The following ROBO1 variants were observed in gnomAD, a reference collection of about 807,000 sequenced individuals.
The protein encoded by ROBO1 is roundabout guidance receptor 1, also known as roundabout homolog 1.
Under a neutral mutation model 195.9 loss-of-function variants are expected in ROBO1, and 149 were observed. The ratio of observed to expected loss-of-function variants is 0.76; its 90% CI spans 0.67 to 0.87. The LOEUF is 0.87. ROBO1 is among the 40% of genes least tolerant of loss of function. The pLI, the probability that ROBO1 is intolerant of heterozygous loss-of-function variation, is 0.00. For missense variants in ROBO1, 1,933 were observed against 2,068.3 expected (o/e 0.93, Z 1.27); for synonymous variants, 816 against 733.2 (o/e 1.11, Z -1.82).
At chr3:78,624,808 T>C (rs375698947) in intron 26 of ROBO1, among the ~76,000 whole-genome samples, 1 of 151,638 alleles carries the variant, frequency 6.6e-6, no homozygotes, top group African/African-American at 2.4e-5. Context: ...AGAAGAGGGG[T>C]TGACTTTTGC....
At chr3:78,716,636 C>T (rs543816770) in intron 7 of ROBO1, among the ~76,000 whole-genome samples, 1 of 152,256 alleles carries the variant, frequency 6.6e-6, no homozygotes, top group South Asian at 2.1e-4. Context: ...TTGTGAGCTC[C>T]TTGAGAGCAG....
At chr3:79,445,353 A>G (rs2039205967) in intron 2 of ROBO1, among the ~76,000 whole-genome samples, 1 of 152,174 alleles carries the variant, frequency 6.6e-6, no homozygotes, top group African/African-American at 2.4e-5. Flanking sequence ...CTTGATGAAA[A>G]CTACAACAAT....
intron 3 of ROBO1, among the ~76,000 whole-genome samples, chr3:78,950,943 G>T (rs2040743411): frequency 6.6e-6 from 1 of 151,668 alleles, no homozygotes; most frequent in South Asian, 2.1e-4. Flanking sequence ...CTACACAATT[G>T]TTTGCACAAT....
Position 79,646,950 on chromosome 3 carries a change from C to A in ROBO1, c.-50-56989G>T, listed in dbSNP as rs572912441. 1.5e-3 allele frequency among the ~76,000 whole-genome samples: 230 copies of A among 151,954 alleles called. 2 individuals carry two copies. Among genetic ancestry groups the A allele is most frequent in the Non-Finnish European group, 2.1e-3 (141 of 67,944 alleles). ...ATAAAGAAAGGTTAATTAATACATACAAATATACAGTCTGATAGAAGAAAT... is the reference window on the plus strand; with the variant it reads ...ATAAAGAAAGGTTAATTAATACATAAAAATATACAGTCTGATAGAAGAAAT... On this transcript the variant is annotated intron_variant, in intron 1 of 30. Transcript: ENST00000464233.
At chr3:79,606,274 T>G (rs969377771) in intron 1 of ROBO1, among the ~76,000 whole-genome samples, 12 of 151,958 alleles carry the variant, frequency 7.9e-5, no homozygotes, top group African/African-American at 2.7e-4. Flanking sequence ...CAGTCTTTTC[T>G]AAGGATTCGG....
At chr3:79,664,720 C>G (rs1415202654) in intron 1 of ROBO1, among the ~76,000 whole-genome samples, 2 of 152,100 alleles carry the variant, frequency 1.3e-5, no homozygotes, top group South Asian at 2.1e-4. Flanking sequence ...CATTCTCTCT[C>G]TCTGCTATGA....
chr3:78,969,571 TC>T, intron 3 of ROBO1, among the ~76,000 whole-genome samples: 1 of 152,280 alleles, frequency 6.6e-6, no homozygotes, highest in East Asian at 1.9e-4. Flanking sequence ...GAACTCCACT[TC>T]CTGGGCATTC....
chr3:79,144,870 G>C (rs993852010), intron 2 of ROBO1, among the ~76,000 whole-genome samples: 1 of 151,860 alleles, frequency 6.6e-6, no homozygotes, highest in Non-Finnish European at 1.5e-5. Context: ...TATCTTGTTA[G>C]AGAAAAAAAT....
rs540437753 is a variant in ROBO1, at chr3:79,623,070, C to T, written c.-50-33109G>A. ...GTGAACCCCCAGGAATCTGCAGCAG[C>T]CCTGCAGAAGAGGGACCTGACCATT... On this transcript the variant is annotated intron_variant, in intron 1 of 30. Transcript: ENST00000464233. 1.6e-3 allele frequency among the ~76,000 whole-genome samples: 245 copies of T among 152,208 alleles called. 3 individuals carry two copies. The highest frequency in any genetic ancestry group is 5.6e-3 in the African/African-American group (231 of 41,544).
chr3:79,483,183 C>G, intron 2 of ROBO1, among the ~76,000 whole-genome samples: 1 of 152,196 alleles, frequency 6.6e-6, no homozygotes, highest in South Asian at 2.1e-4. Context: ...ACTTCTAACA[C>G]AGACAACAAA....
At chr3:79,159,297 G>T (rs1361215375) in intron 2 of ROBO1, among the ~76,000 whole-genome samples, 5 of 151,674 alleles carry the variant, frequency 3.3e-5, no homozygotes, top group African/African-American at 9.7e-5. Flanking sequence ...ATTTCCAAAG[G>T]GTAAATTATT....
chr3:79,150,349 T>G lies in ROBO1; in HGVS notation c.89-24810A>C, dbSNP rs1441783168. ...AATCACAAGTCCATCCTTTTATTTT[T>G]CAGTGTGGCACACAGTGAATGTGAA... On this transcript the variant is annotated intron_variant, in intron 2 of 30. Coordinates refer to ENST00000464233, the MANE Select transcript of ROBO1 (RefSeq NM_002941.4). 1.1e-4 allele frequency among the ~76,000 whole-genome samples: 16 copies of G among 151,950 alleles called. No individual in the cohort carries two copies. The East Asian group carries it at 1.4e-3, about 13-fold the overall frequency.
intron 4 of ROBO1, among the ~76,000 whole-genome samples, chr3:78,790,446 A>G (rs1325279245): frequency 6.6e-6 from 1 of 152,194 alleles, no homozygotes; most frequent in Non-Finnish European, 1.5e-5. Context: ...CACTTCAAGC[A>G]TTTATCCTTT....
intron 2 of ROBO1, among the ~76,000 whole-genome samples, chr3:79,198,429 T>G (rs993088415): frequency 1.3e-5 from 2 of 152,084 alleles, no homozygotes; most frequent in Non-Finnish European, 2.9e-5. Context: ...CATGATGTTT[T>G]GGTTACTGTA....
intron 4 of ROBO1, chr3:78,938,019 G>GTA (rs2039911094): frequency 6.5e-6 from 1 of 154,462 alleles, no homozygotes; most frequent in African/African-American, 2.4e-5. Context: ...GTGTGTGTGT[G>GTA]TGTGTGTGTG....
At chr3:78,883,803 C>G (rs1324138134) in intron 4 of ROBO1, among the ~76,000 whole-genome samples, 2 of 152,160 alleles carry the variant, frequency 1.3e-5, no homozygotes, top group African/African-American at 4.8e-5. Flanking sequence ...TCCTATCTGA[C>G]ATCTAAAGTT....
intron 1 of ROBO1, among the ~76,000 whole-genome samples, chr3:79,620,647 C>A (rs993380798): frequency 1.1e-4 from 17 of 152,004 alleles, no homozygotes; most frequent in African/African-American, 3.6e-4. Flanking sequence ...CACCCTTTTC[C>A]CCAGTTCAAA....
chr3:78,676,970 G>A (rs1419526126), intron 10 of ROBO1, among the ~76,000 whole-genome samples: 7 of 152,070 alleles, frequency 4.6e-5, no homozygotes, highest in Admixed American at 1.3e-4. Context: ...GACTAACAGC[G>A]GATCTCTCGG....
At chr3:79,447,077 C>T (rs1306896114) in intron 2 of ROBO1, among the ~76,000 whole-genome samples, 1 of 152,102 alleles carries the variant, frequency 6.6e-6, no homozygotes, top group Non-Finnish European at 1.5e-5. Flanking sequence ...GATCCGTCCG[C>T]CTTGGCCTCC....
Sources: gnomAD v4.1 joint callset for allele counts (sites outside exome capture counted in the v4.1 genomes callset) on GRCh38, gnomAD v4.1.1 for gene constraint, MANE v1.5 for transcripts, NCBI Gene and HGNC (gene_info 2026-07-23, HGNC 2026-07-21) for gene names.